STPG2: variants seen among roughly 807,000 people sequenced by gnomAD.
The protein encoded by STPG2 is sperm tail PG-rich repeat containing 2, also known as sperm-tail PG-rich repeat-containing protein 2.
In STPG2, 56 loss-of-function variants were observed where a neutral mutation model predicts 54.2. That is an observed-to-expected ratio of 1.03 (90% CI 0.83 to 1.29). The LOEUF (loss-of-function observed/expected upper bound fraction) is 1.29. Ranked by LOEUF, STPG2 falls within the 50% of genes most tolerant of loss-of-function variation. STPG2 has a pLI of 0.00. For synonymous variants in STPG2, 200 were observed against 181.8 expected, an observed-to-expected ratio of 1.10 and a Z score of -0.81; for missense variants, 596 against 544.9, an observed-to-expected ratio of 1.09 and a Z score of -0.93.
At chr4:97,936,802 C>T (rs184187390) in intron 8 of STPG2, among the ~76,000 whole-genome samples, 54 of 152,196 alleles carry the variant, frequency 3.5e-4, no homozygotes, top group Middle Eastern at 3.4e-3. Context: ...TATCTGGCTG[C>T]CCTTAACATT....
At chr4:98,125,511 C>A (rs553907737) in intron 3 of STPG2, among the ~76,000 whole-genome samples, 1 of 152,164 alleles carries the variant, frequency 6.6e-6, no homozygotes, top group African/African-American at 2.4e-5. Context: ...ATGGGGGCTG[C>A]AAAACAGCAA....
In STPG2 at chr4:98,136,677, T is replaced by C. The variant is rs558726711; in HGVS notation, c.110-2218A>G. On this transcript the variant is annotated intron_variant, in intron 1 of 10. Coordinates refer to ENST00000295268, the MANE Select transcript of STPG2 (RefSeq NM_174952.3). ...CAATTTATTGAGGCATTATAGCAGA[T>C]GTAGAAGTAAAATGTACAACCACAA... is the stretch of plus-strand genomic sequence containing the variant. Among the ~76,000 whole-genome samples the C allele has an allele frequency of 2.6e-5, 4 of 151,846 alleles. No individual in the cohort carries two copies. In the East Asian group the frequency reaches 5.8e-4, roughly 22 times the overall value.
intron 5 of STPG2, among the ~76,000 whole-genome samples, chr4:98,087,642 G>C: frequency 6.8e-6 from 1 of 147,910 alleles, no homozygotes. Context: ...CTCACTGCAA[G>C]CTCCGCCTCC....
chr4:98,066,151 T>C (rs1737828162), intron 5 of STPG2, among the ~76,000 whole-genome samples: 1 of 152,124 alleles, frequency 6.6e-6, no homozygotes, highest in African/African-American at 2.4e-5. Flanking sequence ...TGTAAAGTAC[T>C]TTAGTGGCTA....
chr4:97,516,007 A>G (rs1032267939), intron 4 of STPG2, among the ~76,000 whole-genome samples: 5 of 152,158 alleles, frequency 3.3e-5, no homozygotes, highest in Non-Finnish European at 5.9e-5. Flanking sequence ...TGCAAGTGGT[A>G]GTGAAGGAAA....
At chr4:97,949,525 AG>A (rs1733385420) in intron 7 of STPG2, among the ~76,000 whole-genome samples, 2 of 152,008 alleles carry the variant, frequency 1.3e-5, no homozygotes, top group Admixed American at 6.6e-5. Flanking sequence ...TGCTTGCAAG[AG>A]GTTCTATTCT....
At chr4:97,464,133 A>G (rs1190290615) in intron 4 of STPG2, among the ~76,000 whole-genome samples, 1 of 152,196 alleles carries the variant, frequency 6.6e-6, no homozygotes, top group Non-Finnish European at 1.5e-5. Context: ...AACACCTAAG[A>G]ACACAATCAT....
At chr4:97,897,758 T>C (rs1311220639) in intron 8 of STPG2, among the ~76,000 whole-genome samples, 1 of 152,160 alleles carries the variant, frequency 6.6e-6, no homozygotes, top group Non-Finnish European at 1.5e-5. Context: ...GGGGTTTTGT[T>C]TTTCTCTTGT....
At chr4:97,814,943 G>T (rs910348079) in intron 9 of STPG2, among the ~76,000 whole-genome samples, 2 of 152,020 alleles carry the variant, frequency 1.3e-5, no homozygotes, top group African/African-American at 4.8e-5. Context: ...CACCCCATTA[G>T]TTCTGTCCCT....
At chr4:97,536,342 T>C (rs1731530454) in intron 4 of STPG2, among the ~76,000 whole-genome samples, 1 of 152,062 alleles carries the variant, frequency 6.6e-6, no homozygotes, top group Non-Finnish European at 1.5e-5. Flanking sequence ...ATTGGGGCAG[T>C]TTTCCCTATG....
Position 97,800,871 on chromosome 4 carries a change from C to T in STPG2, c.1204+39902G>A, listed in dbSNP as rs1384757533. 2.0e-5 allele frequency among the ~76,000 whole-genome samples: 3 copies of T among 152,282 alleles called. No individual in the cohort carries two copies. The East Asian group carries it at 5.8e-4, about 29-fold the overall frequency. On this transcript the variant is annotated intron_variant, in intron 9 of 10. Transcript: ENST00000295268. The stretch of plus-strand genomic sequence containing the variant: ...GGCCACTTTGTTTACCTACTCAAGC[C>T]TCAGCAATGGCAGGCACCCCTCCCC...
intron 4 of STPG2, among the ~76,000 whole-genome samples, chr4:97,446,703 C>T (rs1040270358): frequency 6.6e-6 from 1 of 152,170 alleles, no homozygotes; most frequent in East Asian, 1.9e-4. Context: ...GGCAGTACCT[C>T]TTCCCTCTGT....
chr4:98,078,422 T>C (rs1310916478), intron 5 of STPG2, among the ~76,000 whole-genome samples: 1 of 152,120 alleles, frequency 6.6e-6, no homozygotes, highest in Non-Finnish European at 1.5e-5. Context: ...AAATAAAACA[T>C]ACTATATTTA....
intron 6 of STPG2, among the ~76,000 whole-genome samples, chr4:97,974,339 G>T (rs187524997): frequency 6.6e-6 from 1 of 152,176 alleles, no homozygotes; most frequent in Non-Finnish European, 1.5e-5. Flanking sequence ...AGGTGGAAAG[G>T]ACTTGCCTTG....
chr4:97,987,687 T>C (rs1482031635), intron 5 of STPG2, among the ~76,000 whole-genome samples: 1 of 152,178 alleles, frequency 6.6e-6, no homozygotes, highest in Non-Finnish European at 1.5e-5. Flanking sequence ...CTCCTTGAGT[T>C]ACTAATTGAA....
At chr4:97,916,464 T>G (rs1731881077) in intron 8 of STPG2, 1 of 152,674 alleles carries the variant, frequency 6.5e-6, no homozygotes. Context: ...GGATGCGCCC[T>G]TGTTGGCAGT....
intron 9 of STPG2, among the ~76,000 whole-genome samples, chr4:97,763,198 T>C (rs2149055448): frequency 6.6e-6 from 1 of 152,268 alleles, no homozygotes; most frequent in African/African-American, 2.4e-5. Flanking sequence ...GGAATGGTCA[T>C]GAGGATTAGC....
intron 8 of STPG2, among the ~76,000 whole-genome samples, chr4:97,869,152 C>A (rs566951866): frequency 4.0e-5 from 6 of 151,724 alleles, no homozygotes; most frequent in African/African-American, 1.4e-4. Flanking sequence ...TTACTAAGTC[C>A]TCAATACTCT....
chr4:97,724,202 C>G (rs1724548205), intron 9 of STPG2, among the ~76,000 whole-genome samples: 1 of 152,144 alleles, frequency 6.6e-6, no homozygotes, highest in African/African-American at 2.4e-5. Flanking sequence ...CTCCCCTTCT[C>G]TATTCCTTTT....
Sources: allele counts gnomAD v4.1 joint callset (sites outside exome capture counted in the v4.1 genomes callset), GRCh38; gene constraint gnomAD v4.1.1; transcripts MANE v1.5; gene names NCBI Gene and HGNC (gene_info 2026-07-23, HGNC 2026-07-21).